Variants in EDDM3A observed in about 807,000 individuals in gnomAD.
EDDM3A encodes epididymal secretory protein E3-alpha.
For missense variants in EDDM3A, 199 were observed against 177.4 expected (o/e 1.12, Z -0.69); for synonymous variants, 75 against 60.4 (o/e 1.24, Z -1.12).
upstream of EDDM3A, among the ~76,000 whole-genome samples, chr14:20,745,488 T>C (rs1877555901): frequency 6.7e-6 from 1 of 149,932 alleles, no homozygotes; most frequent in African/African-American, 2.5e-5. Flanking sequence ...ATCTCGCCAC[T>C]GCACTCCAGC....
intron 1 of EDDM3A, among the ~76,000 whole-genome samples, chr14:20,746,767 AATTG>A (rs556947632): frequency 3.3e-5 from 5 of 152,312 alleles, no homozygotes; most frequent in African/African-American, 1.2e-4. Flanking sequence ...AGAGAAGTGC[AATTG>A]CAGCCTGGGC....
rs200438568 is a variant in EDDM3A at position 20,747,913 on chromosome 14, C to T, written c.333C>T (p.Asn111=). The change falls in exon 2 of 2, where the codon AAC becomes AAT. Residue 111 remains asparagine (N), a synonymous_variant. Coordinates refer to ENST00000326842, the MANE Select transcript of EDDM3A (RefSeq NM_006683.5). ...TCGAGTGTCACTGGGAGAAGTACAACAATAGGTACACAGAGAGCAGAAGCT... is the reference window on the plus strand; with the variant it reads ...TCGAGTGTCACTGGGAGAAGTACAATAATAGGTACACAGAGAGCAGAAGCT... ...KVLECHWEKY[N]NRYTESRSFS... is the part of the protein sequence containing the mutation. The T allele has an allele frequency of 1.5e-4, 239 of 1,613,980 alleles. No individual in the cohort carries two copies. Among genetic ancestry groups the T allele is most frequent in the Non-Finnish European group, 1.7e-4 (201 of 1,180,018 alleles).
At chr14:20,741,091 T>A (rs1363326958), upstream of EDDM3A, among the ~76,000 whole-genome samples, 1 of 152,220 alleles carries the variant, frequency 6.6e-6, no homozygotes, top group East Asian at 1.9e-4. Flanking sequence ...TATTTTCTTC[T>A]ATATCCTATA....
chr14:20,747,426 C>G (rs1877627995), intron 1 of EDDM3A, 129 bp from the exon 2 acceptor site: 1 of 606,562 alleles, frequency 1.6e-6, no homozygotes, highest in African/African-American at 1.9e-5. Context: ...TGAGAATCAT[C>G]ATCTTCTAAT....
Position 20,747,891 on chromosome 14 carries a change from A to G in EDDM3A, c.311A>G (p.Glu104Gly). The change falls in exon 2 of 2, where the codon GAG (glutamate) becomes GGG (glycine). Residue 104 changes from glutamate (E) to glycine (G), a missense_variant. By Grantham distance (98) the Glu-to-Gly change is moderately conservative. Coordinates refer to ENST00000326842, the MANE Select transcript of EDDM3A (RefSeq NM_006683.5). ...VWAPGALKVL[E>G]CHWEKYNNRY... ...GCCCCAGGTGCCCTCAAAGTACTCG[A>G]GTGTCACTGGGAGAAGTACAACAAT... 5.6e-6 allele frequency: 9 copies of G among 1,614,184 alleles called. No individual in the cohort carries two copies. The highest frequency in any genetic ancestry group is 7.6e-6 in the Non-Finnish European group (9 of 1,180,026).
chr14:20,746,370 C>T (rs1184904866), intron 1 of EDDM3A, among the ~76,000 whole-genome samples: 3 of 152,030 alleles, frequency 2.0e-5, no homozygotes, highest in Non-Finnish European at 4.4e-5. Context: ...GTGATTAGGC[C>T]TATCTGAGGA....
chr14:20,737,028 C>CTTTCT, the EDDM3A span, among the ~76,000 whole-genome samples: 193 of 146,510 alleles, frequency 1.3e-3, 1 homozygote, highest in African/African-American at 4.4e-3. Flanking sequence ...ATGCAGACTT[C>CTTTCT]TTTCTTTTCT....
At position 20,747,741 on chromosome 14, in the gene EDDM3A, T is replaced by C. The variant is rs1594239863; in HGVS notation, c.161T>C (p.Met54Thr). 1 of 1,614,150 alleles carries C rather than the reference T, an allele frequency of 6.2e-7. No individual in the cohort carries two copies. Among genetic ancestry groups the C allele is most frequent in the East Asian group, 2.2e-5 (1 of 44,870 alleles). Residue 54 changes from methionine to threonine, a missense_variant, in exon 2 of 2, where the codon ATG (methionine) becomes ACG (threonine). Transcript: ENST00000326842. ...EFKEYKCDVL[M>T]REKEALKGKS... ...AAAGAGTACAAATGTGATGTCCTCA[T>C]GAGAGAAAAAGAGGCTCTGAAAGGC... is the stretch of plus-strand genomic sequence containing the variant.
the EDDM3A span, among the ~76,000 whole-genome samples, chr14:20,737,284 G>A: frequency 6.6e-6 from 1 of 152,016 alleles, no homozygotes; most frequent in East Asian, 1.9e-4. Context: ...TCAAACTCCT[G>A]ACCTCAAGTG....
chr14:20,738,421 A>G, the EDDM3A span, among the ~76,000 whole-genome samples: 1 of 152,010 alleles, frequency 6.6e-6, no homozygotes, highest in African/African-American at 2.4e-5. Flanking sequence ...CAGTGAGCCG[A>G]GATTGTGCCA....
chr14:20,741,712 A>G (rs1888563), upstream of EDDM3A, among the ~76,000 whole-genome samples: 70,202 of 151,974 alleles, frequency 0.46, 16,300 homozygotes, highest in African/African-American at 0.48. Context: ...ATCTGGGGCT[A>G]AGAACTTCTG....
chr14:20,739,968 AACCAGTCTGAAGACCCCC>A, the EDDM3A span, among the ~76,000 whole-genome samples: 1 of 152,140 alleles, frequency 6.6e-6, no homozygotes, highest in Non-Finnish European at 1.5e-5. Flanking sequence ...GACTGACACC[AACCAGTCTGAAGACCCCC>A]ACCATGCAAC....
At chr14:20,745,637 G>A (rs1041515052), upstream of EDDM3A, among the ~76,000 whole-genome samples, 1 of 152,126 alleles carries the variant, frequency 6.6e-6, no homozygotes, top group Non-Finnish European at 1.5e-5. Flanking sequence ...TAAGTCTCTG[G>A]TTGTCTCCTG....
chr14:20,736,885 T>C, the EDDM3A span, among the ~76,000 whole-genome samples: 35 of 151,522 alleles, frequency 2.3e-4, no homozygotes, highest in African/African-American at 8.3e-4. Flanking sequence ...TAATTTTTTG[T>C]ATTTTTTAGT....
At chr14:20,739,047 G>A in the EDDM3A span, among the ~76,000 whole-genome samples, 1 of 152,148 alleles carries the variant, frequency 6.6e-6, no homozygotes, top group South Asian at 2.1e-4. Flanking sequence ...TATTTTCAGA[G>A]CTTGTCTTGT....
Position 20,747,867 on chromosome 14 carries a change from C to T in EDDM3A, c.287C>T (p.Ala96Val), listed in dbSNP as rs903761664. The T allele has an allele frequency of 3.1e-6, 5 of 1,613,886 alleles. No homozygotes were observed. The highest frequency in any genetic ancestry group is 1.3e-5 in the African/African-American group (1 of 74,898). The change falls in exon 2 of 2, where the codon GCC becomes GTC. Residue 96 changes from alanine (A) to valine (V), a missense_variant. Physicochemically the swap from Ala to Val is moderately conservative, Grantham distance 64 (BLOSUM62 0). Coordinates refer to ENST00000326842, the MANE Select transcript of EDDM3A (RefSeq NM_006683.5). Reference sequence around the variant, plus strand: ...CGATATAGAAATGCATATGTATGGGCCCCAGGTGCCCTCAAAGTACTCGAG... The same window carrying T: ...CGATATAGAAATGCATATGTATGGGTCCCAGGTGCCCTCAAAGTACTCGAG... The part of the protein sequence containing the change: ...SDRYRNAYVW[A>V]PGALKVLECH...
At chr14:20,738,435 C>T in the EDDM3A span, among the ~76,000 whole-genome samples, 1 of 151,660 alleles carries the variant, frequency 6.6e-6, no homozygotes, top group Non-Finnish European at 1.5e-5. Context: ...TGTGCCATTG[C>T]ACTCCAGCCT....
upstream of EDDM3A, among the ~76,000 whole-genome samples, chr14:20,741,246 A>C (rs962747373): frequency 4.4e-4 from 67 of 152,338 alleles, no homozygotes; most frequent in African/African-American, 1.3e-3. Context: ...GGAAGTGTTC[A>C]AGGAATACAC....
At chr14:20,741,033 C>T (rs1486212261), upstream of EDDM3A, among the ~76,000 whole-genome samples, 1 of 152,142 alleles carries the variant, frequency 6.6e-6, no homozygotes, top group Non-Finnish European at 1.5e-5. Context: ...AGTATTGCTA[C>T]CTATTGAGAG....
Sources: gnomAD v4.1 joint callset for allele counts (sites outside exome capture counted in the v4.1 genomes callset) on GRCh38, gnomAD v4.1.1 for gene constraint, MANE v1.5 for transcripts, NCBI Gene and HGNC (gene_info 2026-07-23, HGNC 2026-07-21) for gene names.